NEK1: variants seen among roughly 807,000 people sequenced by gnomAD.
NEK1 encodes the protein serine/threonine-protein kinase Nek1.
A neutral mutation model predicts 182.1 loss-of-function variants in NEK1; 137 were observed. The ratio of observed to expected loss-of-function variants is 0.75; its 90% confidence interval spans 0.65 to 0.87. The LOEUF (loss-of-function observed/expected upper bound fraction) is 0.87. NEK1 is among the 40% of genes least tolerant of loss of function. The probability of loss-of-function intolerance (pLI) is 0.00; values close to 1 mark genes in which losing one functional copy is unlikely to be tolerated. For synonymous variants in NEK1, 513 were observed against 492.2 expected (o/e 1.04, Z -0.56); for missense variants, 1,391 against 1,494.4 (o/e 0.93, Z 1.14).
intron 5 of NEK1, among the ~76,000 whole-genome samples, chr4:169,594,317 G>A (rs1581037584): frequency 1.3e-5 from 2 of 152,122 alleles, no homozygotes; most frequent in East Asian, 3.9e-4. Flanking sequence ...AGTATGCTCA[G>A]TTTTGATGGG....
chr4:169,522,198 A>T (rs1238235907), intron 19 of NEK1, among the ~76,000 whole-genome samples: 2 of 152,120 alleles, frequency 1.3e-5, no homozygotes, highest in Non-Finnish European at 2.9e-5. Context: ...TGTGTTTTTC[A>T]GTTCTATAAT....
At chr4:169,436,869 C>G (rs1738510832) in intron 28 of NEK1, among the ~76,000 whole-genome samples, 1 of 152,194 alleles carries the variant, frequency 6.6e-6, no homozygotes, top group Non-Finnish European at 1.5e-5. Flanking sequence ...ACAGTATCCT[C>G]ATAGATAACT....
intron 28 of NEK1, among the ~76,000 whole-genome samples, chr4:169,437,540 C>T (rs754519567): frequency 3.9e-5 from 6 of 152,128 alleles, no homozygotes; most frequent in East Asian, 3.8e-4. Context: ...TAATAGAATA[C>T]GGCAGAAGTG....
chr4:169,496,712 A>T (rs1751371881), intron 23 of NEK1, among the ~76,000 whole-genome samples: 1 of 151,306 alleles, frequency 6.6e-6, no homozygotes, highest in Admixed American at 6.6e-5. Flanking sequence ...ACGTTTATTG[A>T]TTTGCGTATG....
At position 169,507,766 on chromosome 4, in the gene NEK1, TTGTCCTTCAGAA is replaced by T. The variant is rs1249404986; in HGVS notation, c.1848_1859del (p.His616_Gly619del). On this transcript the variant is annotated inframe_deletion, in exon 22 of 36. Coordinates refer to ENST00000507142, the MANE Select transcript of NEK1 (RefSeq NM_001199397.3). ...TCATGTCAGCCTCTTCACTTCCTTC[TTGTCCTTCAGAA>T]TGATTAGCTTCTTTCTACAAAATAA... 1.2e-6 allele frequency: 2 copies of T among 1,613,186 alleles called. No individual in the cohort carries two copies. The highest frequency in any genetic ancestry group is 1.7e-6 in the Non-Finnish European group (2 of 1,179,506).
At chr4:169,494,642 T>G (rs1750807193) in intron 23 of NEK1, among the ~76,000 whole-genome samples, 1 of 152,220 alleles carries the variant, frequency 6.6e-6, no homozygotes, top group Non-Finnish European at 1.5e-5. Flanking sequence ...CAAATGGTAT[T>G]TCTAGTTCTA....
At chr4:169,588,468 G>GT (rs1767885583) in intron 8 of NEK1, among the ~76,000 whole-genome samples, 181 bp downstream of exon 8, 1 of 152,078 alleles carries the variant, frequency 6.6e-6, no homozygotes, top group Admixed American at 6.6e-5. Flanking sequence ...TGTTCTTCCA[G>GT]TAAGATAATC....
At chr4:169,415,538 T>C (rs913104817) in intron 31 of NEK1, among the ~76,000 whole-genome samples, 3 of 152,216 alleles carry the variant, frequency 2.0e-5, no homozygotes, top group East Asian at 1.9e-4. Flanking sequence ...CTATGTAAAA[T>C]AGTTGCTAAT....
intron 23 of NEK1, among the ~76,000 whole-genome samples, chr4:169,496,926 G>A (rs1330031929): frequency 6.6e-6 from 1 of 152,190 alleles, no homozygotes; most frequent in African/African-American, 2.4e-5. Context: ...CATAAAATGC[G>A]TTAGGGAGGA....
At chr4:169,456,083 C>T (rs1450393390) in intron 27 of NEK1, among the ~76,000 whole-genome samples, 1 of 152,048 alleles carries the variant, frequency 6.6e-6, no homozygotes, top group Non-Finnish European at 1.5e-5. Context: ...TATACAAACA[C>T]ATGGAAATTA....
chr4:169,610,064 C>G (rs552646156), intron 2 of NEK1, among the ~76,000 whole-genome samples: 2 of 146,364 alleles, frequency 1.4e-5, no homozygotes, highest in South Asian at 2.1e-4. Context: ...GTTGCCTAGG[C>G]TGGAATGCAA....
At chr4:169,604,121 T>C (rs894256450) in intron 2 of NEK1, among the ~76,000 whole-genome samples, 1 of 152,250 alleles carries the variant, frequency 6.6e-6, no homozygotes, top group African/African-American at 2.4e-5. Context: ...TCCTTATCTG[T>C]CATAAATTAT....
intron 19 of NEK1, among the ~76,000 whole-genome samples, chr4:169,509,776 T>TA (rs1357470089): frequency 6.6e-6 from 1 of 152,106 alleles, no homozygotes; most frequent in African/African-American, 2.4e-5. Context: ...TATTAAAAAA[T>TA]AAAGAAAATG....
chr4:169,537,498 CTTAT>C (rs1163542817), intron 19 of NEK1, among the ~76,000 whole-genome samples: 1 of 151,212 alleles, frequency 6.6e-6, no homozygotes, highest in African/African-American at 2.5e-5. Context: ...AATCCAAGAA[CTTAT>C]TTCTTTATCT....
intron 23 of NEK1, among the ~76,000 whole-genome samples, chr4:169,500,029 G>C (rs1752128438): frequency 6.6e-6 from 1 of 152,186 alleles, no homozygotes; most frequent in African/African-American, 2.4e-5. Flanking sequence ...AGGCCTCCAT[G>C]AGCTGCGGTG....
chr4:169,477,977 C>A (rs1265049384), intron 24 of NEK1, among the ~76,000 whole-genome samples: 9 of 151,932 alleles, frequency 5.9e-5, no homozygotes, highest in Non-Finnish European at 1.3e-4. Flanking sequence ...AGCCATAGTA[C>A]TAAATGTAAT....
intron 18 of NEK1, chr4:169,554,579 A>C (rs1451252626): frequency 2.0e-5 from 3 of 152,192 alleles, no homozygotes; most frequent in Non-Finnish European, 4.4e-5. Context: ...GCCACATACT[A>C]TATGATTCCA....
intron 13 of NEK1, 110 bp from the exon 14 acceptor site, chr4:169,562,001 T>TAAAA: frequency 1.1e-6 from 1 of 929,430 alleles, no homozygotes; most frequent in Non-Finnish European, 1.5e-6. Context: ...GGTTTTTTTT[T>TAAAA]TAAAAAAAAA....
At position 169,424,801 on chromosome 4, in the gene NEK1, C is replaced by T. The variant is rs772227033; in HGVS notation, c.2975-1G>A. 6.2e-7 allele frequency: 1 copy of T among 1,601,366 alleles called. No homozygotes were observed. The highest frequency in any genetic ancestry group is 1.1e-5 in the South Asian group (1 of 90,346). ...TGCTGAGAATCATTGGTTCCAGGCT[C>T]TGTGGTAGAAAGGAGAGATTATGTG... On this transcript the variant is annotated splice_acceptor_variant, in intron 30 of 35. Coordinates refer to ENST00000507142, the MANE Select transcript of NEK1 (RefSeq NM_001199397.3). LOFTEE classifies it high-confidence loss of function.
Sources: gnomAD v4.1 joint callset for allele counts (sites outside exome capture counted in the v4.1 genomes callset) on GRCh38, gnomAD v4.1.1 for gene constraint, MANE v1.5 for transcripts, NCBI Gene and HGNC (gene_info 2026-07-23, HGNC 2026-07-21) for gene names.